MAF: variants seen among roughly 807,000 people sequenced by gnomAD.
MAF encodes the protein transcription factor Maf.
Under a neutral mutation model 22.0 loss-of-function variants are expected in MAF, and 10 were observed. The ratio of observed to expected loss-of-function variants is 0.45; its 90% CI spans 0.28 to 0.77. The LOEUF (loss-of-function observed/expected upper bound fraction) is 0.77. Among genes scored for constraint, MAF ranks in the 30% least tolerant of loss-of-function variants. The probability of loss-of-function intolerance (pLI) is 0.12; values close to 1 mark genes in which losing one functional copy is unlikely to be tolerated. For synonymous variants in MAF, 337 were observed against 255.8 expected (o/e 1.32, Z -3.03); for missense variants, 544 against 548.4 (o/e 0.99, Z 0.08).
chr16:79,515,675 G>A, the MAF span, among the ~76,000 whole-genome samples: 34 of 152,286 alleles, frequency 2.2e-4, 1 homozygote, highest in African/African-American at 7.9e-4. Flanking sequence ...CCTCCTCCCA[G>A]ATAAGAGGCT....
At chr16:79,366,993 C>T in the MAF span, among the ~76,000 whole-genome samples, 1 of 152,232 alleles carries the variant, frequency 6.6e-6, no homozygotes, top group African/African-American at 2.4e-5. Context: ...GTTGTTGCTC[C>T]TAACTCCTCA....
the MAF span, among the ~76,000 whole-genome samples, chr16:79,371,090 G>C: frequency 3.9e-5 from 6 of 152,052 alleles, no homozygotes; most frequent in Non-Finnish European, 7.4e-5. Context: ...TACTCAGATG[G>C]TGGATGAATG....
chr16:79,248,776 A>G, the MAF span, among the ~76,000 whole-genome samples: 3 of 146,300 alleles, frequency 2.1e-5, no homozygotes, highest in Admixed American at 6.9e-5. Flanking sequence ...GTTTGAAATT[A>G]ACACAATGTG....
the MAF span, among the ~76,000 whole-genome samples, chr16:79,508,078 A>T: frequency 1.3e-5 from 2 of 152,116 alleles, no homozygotes; most frequent in Non-Finnish European, 2.9e-5. Flanking sequence ...ATGGAAGAAG[A>T]GTCTCCACCA....
chr16:79,371,485 G>A, the MAF span, among the ~76,000 whole-genome samples: 1 of 152,134 alleles, frequency 6.6e-6, no homozygotes, highest in African/African-American at 2.4e-5. Flanking sequence ...TTTCTCGAAT[G>A]ACTAACTAGG....
the MAF span, among the ~76,000 whole-genome samples, chr16:79,219,391 T>C: frequency 2.0e-5 from 3 of 151,760 alleles, no homozygotes; most frequent in Non-Finnish European, 2.9e-5. Context: ...TCACAGCTTT[T>C]GTACAAAAAA....
chr16:79,484,925 G>T, the MAF span, among the ~76,000 whole-genome samples: 1 of 152,200 alleles, frequency 6.6e-6, no homozygotes, highest in East Asian at 1.9e-4. Flanking sequence ...TTAGAACCAG[G>T]CAGATCTGGC....
chr16:79,289,015 C>G, the MAF span, among the ~76,000 whole-genome samples: 1 of 152,234 alleles, frequency 6.6e-6, no homozygotes, highest in African/African-American at 2.4e-5. Context: ...CAGGCGTAAG[C>G]CACTGCACCC....
At chr16:79,524,947 G>C in the MAF span, among the ~76,000 whole-genome samples, 2 of 152,164 alleles carry the variant, frequency 1.3e-5, no homozygotes, top group Non-Finnish European at 1.5e-5. Flanking sequence ...TTTAAGTAGA[G>C]CAGCATTAGG....
the MAF span, among the ~76,000 whole-genome samples, chr16:79,344,144 C>T: frequency 1.3e-5 from 2 of 152,290 alleles, no homozygotes; most frequent in African/African-American, 4.8e-5. Flanking sequence ...CTACACACCT[C>T]CTAAGCACTC....
chr16:79,493,451 A>T, the MAF span, among the ~76,000 whole-genome samples: 12 of 152,240 alleles, frequency 7.9e-5, no homozygotes, highest in South Asian at 2.3e-3. Context: ...AAGTGCTGGG[A>T]TTACAGGAAT....
downstream of MAF, among the ~76,000 whole-genome samples, chr16:79,581,672 G>GAA (rs5818246): frequency 5.3e-5 from 8 of 152,090 alleles, 1 homozygote; most frequent in East Asian, 1.9e-4. Context: ...CACTGCATGT[G>GAA]AAAAAAACAC....
At chr16:79,256,749 G>C in the MAF span, among the ~76,000 whole-genome samples, 1 of 152,168 alleles carries the variant, frequency 6.6e-6, no homozygotes, top group Non-Finnish European at 1.5e-5. Flanking sequence ...CATGATGCTA[G>C]GCAACCTGTC....
the MAF span, among the ~76,000 whole-genome samples, chr16:79,310,721 C>A: frequency 6.6e-5 from 10 of 152,328 alleles, no homozygotes; most frequent in African/African-American, 2.4e-4. Context: ...ATTTTGGGCT[C>A]TTCCAGAGCA....
chr16:79,418,883 G>C, the MAF span, among the ~76,000 whole-genome samples: 3 of 152,302 alleles, frequency 2.0e-5, no homozygotes, highest in African/African-American at 7.2e-5. Context: ...CACAAACTCC[G>C]TCTCCTGCTC....
the MAF span, among the ~76,000 whole-genome samples, chr16:79,367,685 C>A: frequency 1.3e-4 from 20 of 152,298 alleles, no homozygotes; most frequent in African/African-American, 4.8e-4. Flanking sequence ...GGCCAAGGAA[C>A]TGAATTTTCA....
the MAF span, among the ~76,000 whole-genome samples, chr16:79,414,749 G>A: frequency 0.55 from 83,630 of 152,050 alleles, 23,533 homozygotes; most frequent in East Asian, 0.71. Flanking sequence ...ATGGAGTTTT[G>A]TTAATCAGGA....
the MAF span, chr16:79,204,715 C>A: frequency 6.6e-6 from 1 of 152,232 alleles, no homozygotes; most frequent in Admixed American, 6.5e-5. Flanking sequence ...TAACATCCTC[C>A]CATGCCTTGG....
At chr16:79,543,709 C>T in the MAF span, among the ~76,000 whole-genome samples, 2 of 141,872 alleles carry the variant, frequency 1.4e-5, no homozygotes, top group African/African-American at 5.3e-5. Flanking sequence ...TTTTCTGAGA[C>T]GGAGTCTCGC....
Sources: allele counts gnomAD v4.1 joint callset (sites outside exome capture counted in the v4.1 genomes callset), GRCh38; gene constraint gnomAD v4.1.1; transcripts MANE v1.5; gene names NCBI Gene and HGNC (gene_info 2026-07-23, HGNC 2026-07-21).